Variants in ZFP36L2 observed in about 807,000 individuals in gnomAD.
The protein encoded by ZFP36L2 is mRNA decay activator protein ZFP36L2.
In ZFP36L2, 16 loss-of-function variants were observed where a neutral mutation model predicts 27.9. That is an observed-to-expected ratio of 0.57 (90% CI 0.39 to 0.87). The LOEUF is 0.87. Among genes scored for constraint, ZFP36L2 ranks in the 40% least tolerant of loss-of-function variants. ZFP36L2 has a pLI of 0.00. For synonymous variants in ZFP36L2, 600 were observed against 363.8 expected (o/e 1.65, Z -7.39); for missense variants, 989 against 726.9 (o/e 1.36, Z -4.15).
In ZFP36L2 at chr2:43,224,886, A is replaced by G. The variant is rs776113809; in HGVS notation, c.918T>C (p.Cys306=). Residue 306 remains cysteine, a synonymous_variant, in exon 2 of 2, where the codon TGT becomes TGC. Transcript: ENST00000282388. ...GCGTGGAGGCCGCGGAGGCCGAGGA[A>G]CAGGAGGAGGCGGAGGAGGAGCAGG... ...ASSCSSSASS[C]SSASAASTPS... is the part of the protein sequence containing the mutation. 4 of 1,524,994 alleles carry G rather than the reference A, an allele frequency of 2.6e-6. No individual in the cohort carries two copies. The African/African-American group carries it at 4.4e-5, about 17-fold the overall frequency. 94.5% of individuals were successfully genotyped at this position (1,524,994 alleles called of 1,614,324 possible).
chr2:43,225,219 C>T lies in ZFP36L2; in HGVS notation c.585G>A (p.Glu195=), dbSNP rs755636719. The T allele has an allele frequency of 7.5e-6, 12 of 1,605,988 alleles. No homozygotes were observed. The Admixed American group carries it at 2.0e-4, about 27-fold the overall frequency. Residue 195 remains glutamate, a synonymous_variant, in exon 2 of 2, where the codon GAG becomes GAA. Coordinates refer to ENST00000282388, the MANE Select transcript of ZFP36L2 (RefSeq NM_006887.5). ...CGATGGTATGAAAGGTGCGGCACAG[C>T]TCGGTCTTGTACTTCGGATGGCGAG... The part of the protein sequence containing the change: ...SLTRHPKYKT[E]LCRTFHTIGF...
Position 43,226,269 on chromosome 2 carries a change from C to T in ZFP36L2, c.47G>A (p.Cys16Tyr), listed in dbSNP as rs776940187. The T allele has an allele frequency of 4.4e-6, 7 of 1,583,638 alleles. No individual in the cohort carries two copies. Among genetic ancestry groups the T allele is most frequent in the African/African-American group, 4.0e-5 (3 of 74,224 alleles). ...LSAFYDVDFL[C>Y]KTEKSLANLN... is the part of the protein sequence containing the mutation. ...CGGGCCCGCTCCCTGGCCTACCTTGCACAAGAAGTCGACATCGTAGAAGGC... is the reference window on the plus strand; with the variant it reads ...CGGGCCCGCTCCCTGGCCTACCTTGTACAAGAAGTCGACATCGTAGAAGGC... Residue 16 changes from cysteine to tyrosine, a missense_variant, in exon 1 of 2, where the codon TGC becomes TAC. Transcript: ENST00000282388.
At position 43,224,415 on chromosome 2, in the gene ZFP36L2, G is replaced by C. The variant is rs1198239113; in HGVS notation, c.1389C>G (p.Ser463=). The change falls in exon 2 of 2, where the codon TCC becomes TCG. Residue 463 remains serine (S), a synonymous_variant. Transcript: ENST00000282388. ...LSDRDSYLSG[S]LSSGSLSGSE... is the part of the protein sequence containing the mutation. ...AGCCGCTGAGGCTGCCGGAGCTCAG[G>C]GAGCCGCTTAGGTAGCTGTCGCGGT... is the stretch of plus-strand genomic sequence containing the variant. The C allele has an allele frequency of 6.4e-7, 1 of 1,556,710 alleles. No homozygotes were observed. The highest frequency in any genetic ancestry group is 8.6e-7 in the Non-Finnish European group (1 of 1,157,528).
intron 1 of ZFP36L2, 95 bp downstream of exon 1, chr2:43,226,170 G>A (rs975788560): frequency 6.7e-7 from 1 of 1,491,122 alleles, no homozygotes; most frequent in African/African-American, 1.4e-5. Context: ...GACCTGAAAG[G>A]CAGGGCGGGA....
At position 43,225,065 on chromosome 2, in the gene ZFP36L2, G is replaced by T; in HGVS notation, c.739C>A (p.Pro247Thr). The change falls in exon 2 of 2, where the codon CCG becomes ACG. Residue 247 changes from proline (P) to threonine (T), a missense_variant. Coordinates refer to ENST00000282388, the MANE Select transcript of ZFP36L2 (RefSeq NM_006887.5). ...TGCAACTTGGGCCGCGGCTCCCGCG[G>T]GAAGCCCAGGTGCAACGCATCGCGC... is the stretch of plus-strand genomic sequence containing the variant. ...GTRDALHLGF[P>T]REPRPKLHHS... is the part of the protein sequence containing the mutation. 6.3e-7 allele frequency: 1 copy of T among 1,594,830 alleles called. No homozygotes were observed. The highest frequency in any genetic ancestry group is 1.1e-5 in the South Asian group (1 of 90,872).
rs770064767 is a variant in ZFP36L2 at position 43,225,323 on chromosome 2, G to C, written c.481C>G (p.Pro161Ala). The C allele has an allele frequency of 6.2e-7, 1 of 1,613,136 alleles. No individual in the cohort carries two copies. The highest frequency in any genetic ancestry group is 8.5e-7 in the Non-Finnish European group (1 of 1,179,974). The change falls in exon 2 of 2, where the codon CCC (proline) becomes GCC (alanine). Residue 161 changes from proline (P) to alanine (A), a missense_variant. By Grantham distance (27) the Pro-to-Ala change is conservative. Coordinates refer to ENST00000282388, the MANE Select transcript of ZFP36L2 (RefSeq NM_006887.5). ...STRYKTELCRPFEESGTCKYG... is the reference protein window; with the variant it reads ...STRYKTELCRAFEESGTCKYG... ...TTGCACGTGCCGCTCTCCTCGAAGG[G>C]CCGGCACAGCTCGGTCTTGTAGCGC... is the stretch of plus-strand genomic sequence containing the variant.
rs939812896 is a variant in ZFP36L2, at chr2:43,224,228, T to C, written c.*91A>G. ...CTAGGGCCCATGTCACCCCCCCCAC[T>C]CCCGTGCCCCCAGCAAGGGCGAGAT... On this transcript the variant is annotated 3_prime_UTR_variant, in exon 2 of 2. Coordinates refer to ENST00000282388, the MANE Select transcript of ZFP36L2 (RefSeq NM_006887.5). 642 of 1,335,034 alleles carry C rather than the reference T, an allele frequency of 4.8e-4. No homozygotes were observed. Among genetic ancestry groups the C allele is most frequent in the Admixed American group, 2.5e-3 (87 of 35,008 alleles). 82.7% of individuals were successfully genotyped at this position (1,335,034 alleles called of 1,614,324 possible).
Position 43,225,009 on chromosome 2 carries a change from C to G in ZFP36L2, c.795G>C (p.Ser265=). Residue 265 remains serine (S), a synonymous_variant, in exon 2 of 2, where the codon TCG becomes TCC. Transcript: ENST00000282388. The part of the protein sequence containing the change: ...HHSLSFSGFP[S]GHHQPPGGLE... ...GGCCGCCCGGGGGCTGATGGTGGCC[C>G]GACGGGAAGCCCGAGAAGCTGAGGC... 1 of 1,593,512 alleles carries G rather than the reference C, an allele frequency of 6.3e-7. No homozygotes were observed. Among genetic ancestry groups the G allele is most frequent in the Non-Finnish European group, 8.5e-7 (1 of 1,178,094 alleles).
At position 43,223,063 on chromosome 2, in the gene ZFP36L2, T is replaced by C. The variant is rs1667002306; in HGVS notation, c.*1256A>G. 1 of 152,326 alleles carries C rather than the reference T, an allele frequency of 6.6e-6. No homozygotes were observed. The highest frequency in any genetic ancestry group is 1.5e-5 in the Non-Finnish European group (1 of 68,040). The allele number at this position is 152,326 out of a possible 1,614,324, so 9.4% of individuals were successfully genotyped here. On this transcript the variant is annotated 3_prime_UTR_variant, in exon 2 of 2. Transcript: ENST00000282388. ...TTCAGCCTGATTGCAAAGTATGTGG[T>C]CATTTTTTTCTTTGAAGTTGGATGG...
At chr2:43,225,947 G>A (rs35064085) in intron 1 of ZFP36L2, among the ~76,000 whole-genome samples, 195 bp from the exon 2 acceptor site, 37,226 of 152,008 alleles carry the variant, frequency 0.24, 5,995 homozygotes, top group Middle Eastern at 0.36. Flanking sequence ...GCGGGAGAGG[G>A]GAGGACGCCC....
At position 43,225,526 on chromosome 2, in the gene ZFP36L2, C is replaced by G. The variant is rs371996206; in HGVS notation, c.278G>C (p.Gly93Ala). 2.6e-5 allele frequency: 42 copies of G among 1,586,634 alleles called. No homozygotes were observed. In the Admixed American group the frequency reaches 6.0e-4, roughly 23 times the overall value. ...NGSSCGSAAAGGPTSYGTLKE... is the reference protein window; with the variant it reads ...NGSSCGSAAAAGPTSYGTLKE... ...AAGGGTGCCGTAGGAGGTCGGACCGCCGGCCGCCGCGCTGCCGCAGCTGCT... is the reference window on the plus strand; with the variant it reads ...AAGGGTGCCGTAGGAGGTCGGACCGGCGGCCGCCGCGCTGCCGCAGCTGCT... The change falls in exon 2 of 2, where the codon GGC (glycine) becomes GCC (alanine). Residue 93 changes from glycine to alanine, a missense_variant. By Grantham distance (60) the Gly-to-Ala change is moderately conservative (BLOSUM62 0). Coordinates refer to ENST00000282388, the MANE Select transcript of ZFP36L2 (RefSeq NM_006887.5).
Position 43,223,626 on chromosome 2 carries a change from G to A in ZFP36L2, c.*693C>T, listed in dbSNP as rs979460258. On this transcript the variant is annotated 3_prime_UTR_variant, in exon 2 of 2. Transcript: ENST00000282388. Reference sequence around the variant, plus strand: ...TTCTAAACTGAACATCCACTAAGTGGTGGCAATGAAACCAAGTAACCAGTA... The same window carrying A: ...TTCTAAACTGAACATCCACTAAGTGATGGCAATGAAACCAAGTAACCAGTA... 6.5e-6 allele frequency: 1 copy of A among 152,682 alleles called. No individual in the cohort carries two copies. The allele number at this position is 152,682 out of a possible 1,614,324, so 9.5% of individuals were successfully genotyped here.
Position 43,222,872 on chromosome 2 carries a change from G to C in ZFP36L2, c.*1447C>G, listed in dbSNP as rs1666997319. The C allele has an allele frequency of 6.6e-6, 1 of 152,278 alleles. No individual in the cohort carries two copies. The highest frequency in any genetic ancestry group is 3.2e-3 in the Middle Eastern group (1 of 316). 9.4% of individuals were successfully genotyped at this position (152,278 alleles called of 1,614,324 possible). A position where few individuals can be genotyped will look rare whatever the true frequency, so the allele number is the denominator to read the frequency against. On this transcript the variant is annotated 3_prime_UTR_variant, in exon 2 of 2. Transcript: ENST00000282388. ...ATAAAATACTTATTTGGTTGAGGAA[G>C]ATTTAAGGCAAGTTCGGGCCCTTCC...
chr2:43,225,874 C>G (rs1667088161), intron 1 of ZFP36L2, 122 bp from the exon 2 acceptor site: 3 of 1,049,896 alleles, frequency 2.9e-6, no homozygotes, highest in Non-Finnish European at 4.0e-6. Context: ...CTTGGCGGAT[C>G]CCGACTCGGC....
chr2:43,223,257 T>G lies in ZFP36L2; in HGVS notation c.*1062A>C, dbSNP rs1364908453. ...ACATACAATCTCTTAAATTAAGAAT[T>G]TTGTACTCATTTACAATAAAATAAC... On this transcript the variant is annotated 3_prime_UTR_variant, in exon 2 of 2. Transcript: ENST00000282388. The G allele has an allele frequency of 2.0e-5, 3 of 152,222 alleles. No individual in the cohort carries two copies. The highest frequency in any genetic ancestry group is 7.2e-5 in the African/African-American group (3 of 41,436). 9.4% of individuals were successfully genotyped at this position (152,222 alleles called of 1,614,324 possible). A position where few individuals can be genotyped will look rare whatever the true frequency, so the allele number is the denominator to read the frequency against.
In ZFP36L2 at chr2:43,224,824, G is replaced by A; in HGVS notation, c.980C>T (p.Ala327Val). Residue 327 changes from alanine (A) to valine (V), a missense_variant, in exon 2 of 2, where the codon GCC becomes GTC. Transcript: ENST00000282388. ...GAPTCCASAAAAAAAALLYGT... is the reference protein window; with the variant it reads ...GAPTCCASAAVAAAAALLYGT... ...GTACAGCAGAGCGGCCGCAGCCGCG[G>A]CCGCCGCGGAGGCGCAGCATGTCGG... 2.1e-6 allele frequency: 3 copies of A among 1,423,130 alleles called. No homozygotes were observed. Among genetic ancestry groups the A allele is most frequent in the Non-Finnish European group, 1.8e-6 (2 of 1,102,094 alleles). 88.2% of individuals were successfully genotyped at this position (1,423,130 alleles called of 1,614,324 possible). A position where few individuals can be genotyped will look rare whatever the true frequency, so the allele number is the denominator to read the frequency against.
At position 43,224,230 on chromosome 2, in the gene ZFP36L2, C is replaced by T; in HGVS notation, c.*89G>A. 7.3e-7 allele frequency: 1 copy of T among 1,363,826 alleles called. No individual in the cohort carries two copies. The highest frequency in any genetic ancestry group is 9.6e-7 in the Non-Finnish European group (1 of 1,040,634). 84.5% of individuals were successfully genotyped at this position (1,363,826 alleles called of 1,614,324 possible). A position where few individuals can be genotyped will look rare whatever the true frequency, so the allele number is the denominator to read the frequency against. On this transcript the variant is annotated 3_prime_UTR_variant, in exon 2 of 2. Transcript: ENST00000282388. ...AGGGCCCATGTCACCCCCCCCACTCCCGTGCCCCCAGCAAGGGCGAGATGG... is the reference window on the plus strand; with the variant it reads ...AGGGCCCATGTCACCCCCCCCACTCTCGTGCCCCCAGCAAGGGCGAGATGG...
At position 43,224,495 on chromosome 2, in the gene ZFP36L2, G is replaced by A. The variant is rs763737036; in HGVS notation, c.1309C>T (p.Leu437=). 17 of 1,495,574 alleles carry A rather than the reference G, an allele frequency of 1.1e-5. No homozygotes were observed. Among genetic ancestry groups the A allele is most frequent in the Admixed American group, 4.3e-5 (2 of 46,490 alleles). The allele number at this position is 1,495,574 out of a possible 1,614,324, so 92.6% of individuals were successfully genotyped here. A position where few individuals can be genotyped will look rare whatever the true frequency, so the allele number is the denominator to read the frequency against. ...PPFSFQLPRR[L]SDSPVFDAPP... Reference sequence around the variant, plus strand: ...GCGTCGAACACGGGCGAGTCGGACAGGCGGCGCGGCAGCTGGAAGCTGAAG... The same window carrying A: ...GCGTCGAACACGGGCGAGTCGGACAAGCGGCGCGGCAGCTGGAAGCTGAAG... The change falls in exon 2 of 2, where the codon CTG becomes TTG. Residue 437 remains leucine, a synonymous_variant. Coordinates refer to ENST00000282388, the MANE Select transcript of ZFP36L2 (RefSeq NM_006887.5).
In ZFP36L2 at chr2:43,226,428, G is replaced by A. The variant is rs953093942; in HGVS notation, c.-113C>T. The A allele has an allele frequency of 3.6e-5, 50 of 1,403,768 alleles. No homozygotes were observed. In the South Asian group the frequency reaches 5.0e-4, roughly 14 times the overall value. 87.0% of individuals were successfully genotyped at this position (1,403,768 alleles called of 1,614,324 possible). A position where few individuals can be genotyped will look rare whatever the true frequency, so the allele number is the denominator to read the frequency against. The stretch of plus-strand genomic sequence containing the variant: ...AATAACGGGCGAGGGGCGGGGAGGG[G>A]CCGAAAGTTTGCCGGGGGGCGAGAG... On this transcript the variant is annotated 5_prime_UTR_variant, in exon 1 of 2. Transcript: ENST00000282388.
Sources: gnomAD v4.1 joint callset for allele counts (sites outside exome capture counted in the v4.1 genomes callset) on GRCh38, gnomAD v4.1.1 for gene constraint, MANE v1.5 for transcripts, NCBI Gene and HGNC (gene_info 2026-07-23, HGNC 2026-07-21) for gene names.